QPCTL: variants seen among roughly 807,000 people sequenced by gnomAD.
QPCTL encodes glutaminyl-peptide cyclotransferase like.
QPCTL carries 31 observed loss-of-function variants against 34.6 expected under a neutral mutation model. The observed-to-expected ratio is 0.90, with a 90% CI of 0.67 to 1.21. The LOEUF (loss-of-function observed/expected upper bound fraction) is 1.21. Ranked by LOEUF, QPCTL falls within the 50% of genes most tolerant of loss-of-function variation. The probability of loss-of-function intolerance (pLI) is 0.00; values close to 1 mark genes in which losing one functional copy is unlikely to be tolerated. For missense variants in QPCTL, 474 were observed against 507.8 expected (o/e 0.93, Z 0.64); for synonymous variants, 223 against 226.9 (o/e 0.98, Z 0.15).
intron 3 of QPCTL, among the ~76,000 whole-genome samples, chr19:45,697,738 C>T (rs1356427814): frequency 6.6e-6 from 1 of 152,210 alleles, no homozygotes; most frequent in Non-Finnish European, 1.5e-5. Context: ...CAGGCCAGGT[C>T]ATCCCCCAGC....
rs150339371 is a variant in QPCTL at position 45,701,908 on chromosome 19, C to T, written c.997C>T (p.Arg333Cys). ...GGAAGACGACCACATCCCCTTCCTC[C>T]GCAGAGGTACCAGCTGCAGGGAGGG... ...SVEDDHIPFL[R>C]RGVPVLHLIS... The change falls in exon 6 of 7, where the codon CGC becomes TGC. Residue 333 changes from arginine (R) to cysteine (C), a missense_variant. Coordinates refer to ENST00000012049, the MANE Select transcript of QPCTL (RefSeq NM_017659.4). 5.6e-5 allele frequency: 90 copies of T among 1,609,720 alleles called. No individual in the cohort carries two copies. The highest frequency in any genetic ancestry group is 6.8e-5 in the Non-Finnish European group (80 of 1,176,314).
At chr19:45,701,736 T>C in intron 5 of QPCTL, 62 bp from the exon 6 acceptor site, 1 of 1,301,972 alleles carries the variant, frequency 7.7e-7, no homozygotes, top group South Asian at 1.3e-5. Context: ...CTCTGATTTG[T>C]GGACTGGGGA....
In QPCTL at chr19:45,698,865, G is replaced by C. The variant is rs201435176; in HGVS notation, c.851G>C (p.Arg284Pro). ...CCCACCTTCTACAGCCACTTCCCTCGCACGGTCCGCTGGTTCCATCGGCTG... is the reference window on the plus strand; with the variant it reads ...CCCACCTTCTACAGCCACTTCCCTCCCACGGTCCGCTGGTTCCATCGGCTG... ...PNPTFYSHFP[R>P]TVRWFHRLRS... The change falls in exon 5 of 7, where the codon CGC (arginine) becomes CCC (proline). Residue 284 changes from arginine to proline, a missense_variant. Transcript: ENST00000012049. The C allele has an allele frequency of 8.7e-6, 14 of 1,613,770 alleles. No individual in the cohort carries two copies. The African/African-American group carries it at 1.7e-4, about 20-fold the overall frequency.
Position 45,695,482 on chromosome 19 carries a change from G to A in QPCTL, c.397G>A (p.Glu133Lys). ...LRSLTAGWHV[E>K]LDPFTASTPL... ...GTCCCTGACAGCAGGTTGGCACGTGGAGCTGGATCCCTTCACAGCCTCAAC... is the reference window on the plus strand; with the variant it reads ...GTCCCTGACAGCAGGTTGGCACGTGAAGCTGGATCCCTTCACAGCCTCAAC... Residue 133 changes from glutamate to lysine, a missense_variant, in exon 3 of 7, where the codon GAG becomes AAG. Transcript: ENST00000012049. 1.2e-6 allele frequency: 2 copies of A among 1,613,982 alleles called. No individual in the cohort carries two copies. The highest frequency in any genetic ancestry group is 1.7e-6 in the Non-Finnish European group (2 of 1,179,962).
intron 3 of QPCTL, 92 bp downstream of exon 3, chr19:45,695,810 G>T: frequency 7.2e-7 from 1 of 1,390,550 alleles, no homozygotes; most frequent in Non-Finnish European, 9.6e-7. Flanking sequence ...CATCCCTCTC[G>T]TCTTCCCACT....
chr19:45,702,221 C>T (rs964123874), intron 6 of QPCTL, among the ~76,000 whole-genome samples: 2 of 149,352 alleles, frequency 1.3e-5, no homozygotes, highest in South Asian at 2.2e-4. Flanking sequence ...GGAGGCTGAG[C>T]GGGGTGGCGG....
chr19:45,700,839 C>A (rs1411446518), intron 5 of QPCTL, among the ~76,000 whole-genome samples: 7 of 151,742 alleles, frequency 4.6e-5, no homozygotes, highest in Middle Eastern at 3.4e-3. Flanking sequence ...GGCGCCTGTA[C>A]TCCCAGCTAC....
In QPCTL at chr19:45,692,690, A is replaced by AG. The variant is rs1487049574; in HGVS notation, c.-11dup. ...CAATCCGTGGTCTGGTACAGGTTTCAGGGCAAAGCGGCCATGCGTTCCGGG... is the reference window on the plus strand; with the variant it reads ...CAATCCGTGGTCTGGTACAGGTTTCAGGGGCAAAGCGGCCATGCGTTCCGGG... On this transcript the variant is annotated 5_prime_UTR_variant, in exon 1 of 7. Coordinates refer to ENST00000012049, the MANE Select transcript of QPCTL (RefSeq NM_017659.4). 1.3e-6 allele frequency: 2 copies of AG among 1,525,236 alleles called. No individual in the cohort carries two copies. Among genetic ancestry groups the AG allele is most frequent in the Non-Finnish European group, 8.8e-7 (1 of 1,134,106 alleles). The allele number at this position is 1,525,236 out of a possible 1,614,324, so 94.5% of individuals were successfully genotyped here.
Position 45,703,250 on chromosome 19 carries a change from G to GT in QPCTL, c.*202dup. On this transcript the variant is annotated 3_prime_UTR_variant, in exon 7 of 7. Coordinates refer to ENST00000012049, the MANE Select transcript of QPCTL (RefSeq NM_017659.4). ...CTTCAAGGACAGGGAAGAGACCACT[G>GT]TGGGATGACAGCCAGAGGAATAAGA... 1.5e-6 allele frequency: 1 copy of GT among 659,598 alleles called. No homozygotes were observed. Among genetic ancestry groups the GT allele is most frequent in the African/African-American group, 1.8e-5 (1 of 54,990 alleles). 40.9% of individuals were successfully genotyped at this position (659,598 alleles called of 1,614,324 possible).
chr19:45,699,619 C>CCTGT (rs1967771984), intron 5 of QPCTL, among the ~76,000 whole-genome samples: 1 of 151,884 alleles, frequency 6.6e-6, no homozygotes. Context: ...ATGGCGAAAC[C>CCTGT]CTGTCTCTAC....
rs760012052 is a variant in QPCTL at position 45,695,451 on chromosome 19, G to A, written c.366G>A (p.Thr122=). 64 of 1,476,444 alleles carry A rather than the reference G, an allele frequency of 4.3e-5. No homozygotes were observed. Among genetic ancestry groups the A allele is most frequent in the Non-Finnish European group, 5.6e-5 (61 of 1,094,260 alleles). The allele number at this position is 1,476,444 out of a possible 1,614,324, so 91.5% of individuals were successfully genotyped here. The stretch of plus-strand genomic sequence containing the variant: ...CTTGCCGCTAGTTCCTGGAGGCCAC[G>A]CTGCGGTCCCTGACAGCAGGTTGGC... ...NLQVRKFLEA[T]LRSLTAGWHV... is the part of the protein sequence containing the mutation. Residue 122 remains threonine, a synonymous_variant, in exon 3 of 7, where the codon ACG becomes ACA. Transcript: ENST00000012049.
intron 5 of QPCTL, among the ~76,000 whole-genome samples, chr19:45,700,957 CAAAAAA>C (rs773396546): frequency 8.6e-5 from 4 of 46,780 alleles, no homozygotes; most frequent in African/African-American, 3.0e-4. Flanking sequence ...GACTCTGTCT[CAAAAAA>C]AAAAAAAAAA....
chr19:45,698,012 G>A (rs539771908), intron 3 of QPCTL, among the ~76,000 whole-genome samples: 121 of 152,134 alleles, frequency 8.0e-4, no homozygotes, highest in Non-Finnish European at 1.6e-3. Flanking sequence ...GGAGGCTGAG[G>A]TAGGTGGATC....
chr19:45,698,525 C>T (rs1967745577), intron 3 of QPCTL, 22 bp from the exon 4 acceptor site: 1 of 1,613,114 alleles, frequency 6.2e-7, no homozygotes. Context: ...TGGCTCTGGC[C>T]ACCCCCCTGC....
chr19:45,697,618 T>C (rs1967725621), intron 3 of QPCTL, among the ~76,000 whole-genome samples: 1 of 152,052 alleles, frequency 6.6e-6, no homozygotes, highest in African/African-American at 2.4e-5. Context: ...AGCCTTGCCC[T>C]GTGTTGCTCC....
chr19:45,694,711 C>T (rs1193244744), intron 2 of QPCTL, among the ~76,000 whole-genome samples: 6 of 151,842 alleles, frequency 4.0e-5, no homozygotes, highest in African/African-American at 7.2e-5. Flanking sequence ...CCTTATGATC[C>T]GCCCACCTCA....
Position 45,703,210 on chromosome 19 carries a change from T to A in QPCTL, c.*161T>A. 6 of 959,392 alleles carry A rather than the reference T, an allele frequency of 6.3e-6. No homozygotes were observed. Among genetic ancestry groups the A allele is most frequent in the Non-Finnish European group, 9.2e-6 (6 of 655,386 alleles). 59.4% of individuals were successfully genotyped at this position (959,392 alleles called of 1,614,324 possible). A position where few individuals can be genotyped will look rare whatever the true frequency, so the allele number is the denominator to read the frequency against. On this transcript the variant is annotated 3_prime_UTR_variant, in exon 7 of 7. Coordinates refer to ENST00000012049, the MANE Select transcript of QPCTL (RefSeq NM_017659.4). ...TGGAAGACCTTCTTTCTTTTGATTGTCTCAAGCTGCCACCCTTCAAGGACA... is the reference window on the plus strand; with the variant it reads ...TGGAAGACCTTCTTTCTTTTGATTGACTCAAGCTGCCACCCTTCAAGGACA...
intron 5 of QPCTL, 116 bp from the exon 6 acceptor site, chr19:45,701,679 ACTC>A: frequency 1.4e-6 from 1 of 723,178 alleles, no homozygotes; most frequent in Non-Finnish European, 2.4e-6. Flanking sequence ...ACTGGCATTC[ACTC>A]TTGTTGGGCT....
chr19:45,695,177 T>G (rs1282354705), intron 2 of QPCTL, among the ~76,000 whole-genome samples: 1 of 151,814 alleles, frequency 6.6e-6, no homozygotes, highest in East Asian at 1.9e-4. Flanking sequence ...CCCCAGCTAC[T>G]CAGGAGGCTG....
Sources: gnomAD v4.1 joint callset for allele counts (sites outside exome capture counted in the v4.1 genomes callset) on GRCh38, gnomAD v4.1.1 for gene constraint, MANE v1.5 for transcripts, NCBI Gene and HGNC (gene_info 2026-07-23, HGNC 2026-07-21) for gene names.